LDB2: variants seen among roughly 807,000 people sequenced by gnomAD.
LDB2 encodes the protein LIM domain-binding protein 2.
Under a neutral mutation model 44.3 loss-of-function variants are expected in LDB2, and 12 were observed. That is an observed-to-expected ratio of 0.27 (90% CI 0.17 to 0.44). The LOEUF (loss-of-function observed/expected upper bound fraction) is 0.44, where lower values mean the gene tolerates loss of function less well. Among genes scored for constraint, LDB2 ranks in the 20% least tolerant of loss-of-function variants. The probability of loss-of-function intolerance (pLI) is 1.00; values close to 1 mark genes in which losing one functional copy is unlikely to be tolerated. For synonymous variants in LDB2, 164 were observed against 174.8 expected (o/e 0.94, Z 0.49); for missense variants, 344 against 473.5 (o/e 0.73, Z 2.54).
intron 2 of LDB2, among the ~76,000 whole-genome samples, chr4:16,699,953 T>C (rs1381943682): frequency 1.3e-5 from 2 of 152,186 alleles, no homozygotes; most frequent in Non-Finnish European, 2.9e-5. Context: ...GAATTTCAGA[T>C]AAACAATGAA....
chr4:16,774,656 T>C (rs1339168448), intron 1 of LDB2, among the ~76,000 whole-genome samples: 1 of 152,214 alleles, frequency 6.6e-6, no homozygotes. Flanking sequence ...AAAGGTTACT[T>C]AATTTTCTCA....
chr4:16,766,722 T>A (rs1386112750), intron 1 of LDB2, among the ~76,000 whole-genome samples: 1 of 151,922 alleles, frequency 6.6e-6, no homozygotes, highest in African/African-American at 2.4e-5. Context: ...GTCAAGCTGG[T>A]CCTGAACTCC....
At chr4:16,714,529 C>T (rs376820375) in intron 2 of LDB2, among the ~76,000 whole-genome samples, 25 of 152,160 alleles carry the variant, frequency 1.6e-4, no homozygotes, top group African/African-American at 5.5e-4. Flanking sequence ...GAACAGGTGG[C>T]TTCCAAGGTC....
chr4:16,558,141 C>T (rs970049708), intron 5 of LDB2, among the ~76,000 whole-genome samples: 16 of 152,128 alleles, frequency 1.1e-4, no homozygotes, highest in Non-Finnish European at 2.9e-5. Context: ...AAACTGGAAA[C>T]TCTAAAAAGC....
chr4:16,751,765 G>A (rs542000305), intron 2 of LDB2, among the ~76,000 whole-genome samples: 1 of 152,326 alleles, frequency 6.6e-6, no homozygotes, highest in South Asian at 2.1e-4. Context: ...CAAACAGCAA[G>A]AGTTCAGTGA....
chr4:16,785,827 G>A (rs1230128246), intron 1 of LDB2, among the ~76,000 whole-genome samples: 2 of 152,018 alleles, frequency 1.3e-5, no homozygotes, highest in Non-Finnish European at 1.5e-5. Context: ...TTCAGGGTCC[G>A]TTCCTGGAAT....
At chr4:16,568,063 C>T (rs1745173982) in intron 5 of LDB2, among the ~76,000 whole-genome samples, 1 of 151,930 alleles carries the variant, frequency 6.6e-6, no homozygotes, top group Non-Finnish European at 1.5e-5. Context: ...TTAGAGTGAA[C>T]CATATCAAAT....
chr4:16,851,557 G>A (rs1788260527), intron 1 of LDB2, among the ~76,000 whole-genome samples: 1 of 151,392 alleles, frequency 6.6e-6, no homozygotes, highest in South Asian at 2.1e-4. Flanking sequence ...TCGCACCACT[G>A]CACTCCAGTC....
intron 1 of LDB2, among the ~76,000 whole-genome samples, chr4:16,874,605 C>T (rs935085727): frequency 3.9e-5 from 6 of 152,198 alleles, no homozygotes; most frequent in Admixed American, 6.6e-5. Flanking sequence ...CAACAAGATT[C>T]GCTACATTCC....
chr4:16,661,393 TTGAGAAATGGAC>T (rs1414260727), intron 2 of LDB2, among the ~76,000 whole-genome samples: 1 of 152,182 alleles, frequency 6.6e-6, no homozygotes, highest in Non-Finnish European at 1.5e-5. Flanking sequence ...ATAGAACTGG[TTGAGAAATGGAC>T]TGAGAGGGTT....
chr4:16,825,024 T>G (rs567022841), intron 1 of LDB2, among the ~76,000 whole-genome samples: 26 of 152,140 alleles, frequency 1.7e-4, no homozygotes, highest in Non-Finnish European at 3.4e-4. Context: ...AGGGAAGTAT[T>G]TGCAATGCAG....
At chr4:16,526,673 C>T (rs1728360982) in intron 5 of LDB2, among the ~76,000 whole-genome samples, 1 of 152,176 alleles carries the variant, frequency 6.6e-6, no homozygotes, top group Non-Finnish European at 1.5e-5. Context: ...AAGGACTTGG[C>T]CTGACATTGT....
chr4:16,813,158 G>A (rs1434155836), intron 1 of LDB2, among the ~76,000 whole-genome samples: 1 of 151,978 alleles, frequency 6.6e-6, no homozygotes, highest in Non-Finnish European at 1.5e-5. Context: ...GCTAATTTTT[G>A]TAATTTCAGT....
rs934929196 is a variant in LDB2 at position 16,522,336 on chromosome 4, C to T, written c.616-10232G>A. Among the ~76,000 whole-genome samples the T allele has an allele frequency of 6.6e-5, 10 of 151,480 alleles. 1 individual carries two copies. Among genetic ancestry groups the T allele is most frequent in the Admixed American group, 5.9e-4 (9 of 15,192 alleles). On this transcript the variant is annotated intron_variant, in intron 5 of 7. Coordinates refer to ENST00000304523, the MANE Select transcript of LDB2 (RefSeq NM_001290.5). ...TGGCCCTTCTTATCTGGGGGTTCCA[C>T]GTCTGTGGATTCAACCAACCACAGG...
At chr4:16,827,101 C>A (rs1783192762) in intron 1 of LDB2, among the ~76,000 whole-genome samples, 1 of 152,194 alleles carries the variant, frequency 6.6e-6, no homozygotes, top group African/African-American at 2.4e-5. Flanking sequence ...TCCTGCCACA[C>A]TTAAAGGAGT....
intron 2 of LDB2, among the ~76,000 whole-genome samples, chr4:16,735,915 T>C (rs1262604879): frequency 6.6e-6 from 1 of 152,104 alleles, no homozygotes; most frequent in East Asian, 1.9e-4. Context: ...GTACCCTGGA[T>C]GGAAAAACTG....
intron 1 of LDB2, among the ~76,000 whole-genome samples, chr4:16,787,987 C>T (rs1774827048): frequency 6.6e-6 from 1 of 152,162 alleles, no homozygotes; most frequent in East Asian, 1.9e-4. Flanking sequence ...TCTCTTTCTT[C>T]CTATAGGAAT....
intron 5 of LDB2, among the ~76,000 whole-genome samples, chr4:16,562,311 A>G (rs1441882060): frequency 6.6e-6 from 1 of 152,240 alleles, no homozygotes; most frequent in Non-Finnish European, 1.5e-5. Flanking sequence ...AATTTTCACA[A>G]CCTACTCATC....
chr4:16,812,950 A>C (rs1780181922), intron 1 of LDB2, among the ~76,000 whole-genome samples: 1 of 152,080 alleles, frequency 6.6e-6, no homozygotes, highest in South Asian at 2.1e-4. Flanking sequence ...GAGCTAGAGA[A>C]AGATGTTGAT....
Sources: gnomAD v4.1 joint callset for allele counts (sites outside exome capture counted in the v4.1 genomes callset) on GRCh38, gnomAD v4.1.1 for gene constraint, MANE v1.5 for transcripts, NCBI Gene and HGNC (gene_info 2026-07-23, HGNC 2026-07-21) for gene names.